UGT2A2: variants seen among roughly 807,000 people sequenced by gnomAD.
UGT2A2 encodes UDP-glucuronosyltransferase 2A2.
In UGT2A2, 60 loss-of-function variants were observed where a neutral mutation model predicts 50.7. The ratio of observed to expected loss-of-function variants is 1.18; its 90% CI spans 0.96 to 1.47. The LOEUF (loss-of-function observed/expected upper bound fraction) is 1.47, where lower values mean the gene tolerates loss of function less well. UGT2A2 is among the 40% of genes most tolerant of loss of function. The pLI, the probability that UGT2A2 is intolerant of heterozygous loss-of-function variation, is 0.00. For missense variants in UGT2A2, 762 were observed against 634.0 expected (o/e 1.20, Z -2.17); for synonymous variants, 242 against 214.6 (o/e 1.13, Z -1.11).
At position 69,599,344 on chromosome 4, in the gene UGT2A2, T is replaced by C; in HGVS notation, c.793A>G (p.Ile265Val). ...ETMGKAEIWL[I>V]RTYWDFEFPR... Reference sequence around the variant, plus strand: ...AATTCAAAATCCCAATATGTTCGGATTAACCAAATTTCAGCTTTCCCCATA... The same window carrying C: ...AATTCAAAATCCCAATATGTTCGGACTAACCAAATTTCAGCTTTCCCCATA... The change falls in exon 2 of 6, where the codon ATC becomes GTC. Residue 265 changes from isoleucine to valine, a missense_variant. Physicochemically the swap from Ile to Val is conservative, Grantham distance 29 (BLOSUM62 3). Coordinates refer to ENST00000604629, the MANE Select transcript of UGT2A2 (RefSeq NM_001105677.2). The C allele has an allele frequency of 6.2e-7, 1 of 1,613,840 alleles. No homozygotes were observed. The highest frequency in any genetic ancestry group is 8.5e-7 in the Non-Finnish European group (1 of 1,179,916).
At chr4:69,608,670 A>G (rs1719834499) in intron 1 of UGT2A2, among the ~76,000 whole-genome samples, 1 of 152,058 alleles carries the variant, frequency 6.6e-6, no homozygotes, top group Admixed American at 6.6e-5. Context: ...CAACTCTGCA[A>G]AATACACACA....
chr4:69,638,829 C>A lies in UGT2A2; in HGVS notation c.742+70G>T, dbSNP rs977291982. 4 of 1,449,342 alleles carry A rather than the reference C, an allele frequency of 2.8e-6. No homozygotes were observed. In the Admixed American group the frequency reaches 1.1e-4, roughly 40 times the overall value. The allele number at this position is 1,449,342 out of a possible 1,614,324, so 89.8% of individuals were successfully genotyped here. On this transcript the variant is annotated intron_variant, in intron 1 of 5. Coordinates refer to ENST00000604629, the MANE Select transcript of UGT2A2 (RefSeq NM_001105677.2). Reference sequence around the variant, plus strand: ...TCAGCATATGCAGTGGAATGGAAATCGTTTGCCATATGACAATAAGAATAA... The same window carrying A: ...TCAGCATATGCAGTGGAATGGAAATAGTTTGCCATATGACAATAAGAATAA...
chr4:69,593,502 A>T (rs1379455058), intron 5 of UGT2A2, among the ~76,000 whole-genome samples: 1 of 151,420 alleles, frequency 6.6e-6, no homozygotes, highest in Non-Finnish European at 1.5e-5. Context: ...CTTTCAGAGA[A>T]AAAAATAAGA....
intron 2 of UGT2A2, among the ~76,000 whole-genome samples, chr4:69,598,512 A>C (rs1257890905): frequency 6.6e-6 from 1 of 152,154 alleles, no homozygotes; most frequent in African/African-American, 2.4e-5. Flanking sequence ...TATATTTATA[A>C]AGAACCAATA....
chr4:69,603,822 G>C (rs1560472869), intron 1 of UGT2A2, among the ~76,000 whole-genome samples: 1 of 136,528 alleles, frequency 7.3e-6, no homozygotes, highest in Non-Finnish European at 1.6e-5. Flanking sequence ...TATCAGTGAT[G>C]GAAGATCAAA....
intron 1 of UGT2A2, among the ~76,000 whole-genome samples, chr4:69,630,165 T>C (rs1338673192): frequency 6.6e-6 from 1 of 152,128 alleles, no homozygotes; most frequent in Non-Finnish European, 1.5e-5. Context: ...GTTTCCATTC[T>C]TGTAGACATT....
intron 1 of UGT2A2, among the ~76,000 whole-genome samples, chr4:69,619,360 A>C (rs972990233): frequency 6.6e-6 from 1 of 151,900 alleles, no homozygotes; most frequent in African/African-American, 2.4e-5. Context: ...CATCAGTGGC[A>C]CTGTACTTCA....
In UGT2A2 at chr4:69,606,974, G is replaced by A. The variant is rs1249223557; in HGVS notation, c.743-7580C>T. ...CTCATGGGTAGGAAGAATCAATATC[G>A]AGAAAATGGCCATACTGCCCAAGGT... On this transcript the variant is annotated intron_variant, in intron 1 of 5. Coordinates refer to ENST00000604629, the MANE Select transcript of UGT2A2 (RefSeq NM_001105677.2). Among the ~76,000 whole-genome samples, 7 of 136,138 alleles carry A rather than the reference G, an allele frequency of 5.1e-5. 3 individuals carry two copies. The highest frequency in any genetic ancestry group is 2.4e-4 in the South Asian group (1 of 4,138). 89.3% of individuals were successfully genotyped at this position (136,138 alleles called of 152,430 possible).
chr4:69,597,900 G>A lies in UGT2A2; in HGVS notation c.891+1346C>T, dbSNP rs1056507064. On this transcript the variant is annotated intron_variant, in intron 2 of 5. Transcript: ENST00000604629. ...ATTCATATTTCCCAAAGCCTATATC[G>A]ATATTTATATTGATTGAATACATAA... 2.0e-5 allele frequency among the ~76,000 whole-genome samples: 3 copies of A among 151,946 alleles called. No individual in the cohort carries two copies. In the East Asian group the frequency reaches 5.8e-4, roughly 29 times the overall value.
chr4:69,627,393 A>G (rs1310123518), intron 1 of UGT2A2, among the ~76,000 whole-genome samples: 1 of 151,852 alleles, frequency 6.6e-6, no homozygotes, highest in Non-Finnish European at 1.5e-5. Flanking sequence ...ATAGATTCAT[A>G]TGATTTTATG....
intron 5 of UGT2A2, among the ~76,000 whole-genome samples, chr4:69,590,500 C>T (rs369366721): frequency 3.3e-5 from 5 of 151,872 alleles, no homozygotes; most frequent in African/African-American, 4.8e-5. Flanking sequence ...TGAAGATGAG[C>T]GAAGGTAAAT....
intron 1 of UGT2A2, among the ~76,000 whole-genome samples, chr4:69,602,774 A>G (rs536526958): frequency 2.2e-5 from 3 of 137,718 alleles, no homozygotes; most frequent in Non-Finnish European, 4.6e-5. Flanking sequence ...TAACTTGTTC[A>G]CAGATAAGAA....
chr4:69,629,215 G>A (rs17674565), intron 1 of UGT2A2, among the ~76,000 whole-genome samples: 28,791 of 151,944 alleles, frequency 0.19, 3,002 homozygotes, highest in Non-Finnish European at 0.22. Context: ...CAGGTAGAAA[G>A]GGAGCCAGGT....
intron 1 of UGT2A2, 137 bp from the exon 2 acceptor site, chr4:69,599,531 A>C (rs1719135491): frequency 8.2e-7 from 1 of 1,218,596 alleles, no homozygotes; most frequent in Non-Finnish European, 1.1e-6. Flanking sequence ...TATCATGTTT[A>C]TATATTAAGA....
At chr4:69,625,191 A>AT (rs973268807) in intron 1 of UGT2A2, among the ~76,000 whole-genome samples, 10 of 150,342 alleles carry the variant, frequency 6.7e-5, no homozygotes, top group Admixed American at 6.6e-4. Flanking sequence ...TAGATGAAGT[A>AT]TTTTTTAATT....
chr4:69,632,478 A>G (rs1055883688), intron 1 of UGT2A2, among the ~76,000 whole-genome samples: 2 of 152,196 alleles, frequency 1.3e-5, no homozygotes, highest in Admixed American at 6.5e-5. Flanking sequence ...AGGCCAAAAG[A>G]GCATAATCTC....
At chr4:69,608,371 G>A (rs1378395251) in intron 1 of UGT2A2, among the ~76,000 whole-genome samples, 2 of 144,254 alleles carry the variant, frequency 1.4e-5, no homozygotes, top group Non-Finnish European at 3.0e-5. Flanking sequence ...ATTGAACAAT[G>A]AGAACATATG....
rs1718429796 is a variant in UGT2A2 at position 69,589,133 on chromosome 4, G to A, written c.*239C>T. 2 of 367,154 alleles carry A rather than the reference G, an allele frequency of 5.4e-6. No homozygotes were observed. The highest frequency in any genetic ancestry group is 9.4e-6 in the Non-Finnish European group (2 of 212,778). The allele number at this position is 367,154 out of a possible 1,614,324, so 22.7% of individuals were successfully genotyped here. A position where few individuals can be genotyped will look rare whatever the true frequency, so the allele number is the denominator to read the frequency against. On this transcript the variant is annotated 3_prime_UTR_variant, in exon 6 of 6. Transcript: ENST00000604629. ...TTGTGTCAGAAAAGTGACAGGAAGA[G>A]GGTATAGTCAGCAGGGAGAGACAAA... is the stretch of plus-strand genomic sequence containing the variant.
chr4:69,592,401 C>T (rs760979018), intron 5 of UGT2A2, among the ~76,000 whole-genome samples: 10 of 151,402 alleles, frequency 6.6e-5, no homozygotes, highest in Non-Finnish European at 1.5e-4. Flanking sequence ...AAATGAGAAA[C>T]TAAAAATGCA....
Sources: gnomAD v4.1 joint callset for allele counts (sites outside exome capture counted in the v4.1 genomes callset) on GRCh38, gnomAD v4.1.1 for gene constraint, MANE v1.5 for transcripts, NCBI Gene and HGNC (gene_info 2026-07-23, HGNC 2026-07-21) for gene names.